ASIP: variants seen among roughly 807,000 people sequenced by gnomAD.
ASIP encodes the protein agouti-signaling protein.
Under a neutral mutation model 10.3 loss-of-function variants are expected in ASIP, and 11 were observed. That is an observed-to-expected ratio of 1.07 (90% CI 0.68 to 1.78). ASIP has a LOEUF of 1.78. Among genes scored for constraint, ASIP ranks in the 40% most tolerant of loss-of-function variants. The pLI is 0.00. For synonymous variants in ASIP, 70 were observed against 70.8 expected (o/e 0.99, Z 0.06); for missense variants, 180 against 169.2 (o/e 1.06, Z -0.35).
At chr20:34,252,819 TTG>T (rs1368234777) in intron 1 of ASIP, among the ~76,000 whole-genome samples, 1 of 152,196 alleles carries the variant, frequency 6.6e-6, no homozygotes, top group Admixed American at 6.5e-5. Flanking sequence ...CCTGCGGACA[TTG>T]TGTCCAGTGC....
intron 1 of ASIP, among the ~76,000 whole-genome samples, chr20:34,224,651 G>A (rs530806389): frequency 1.3e-5 from 2 of 150,910 alleles, no homozygotes; most frequent in African/African-American, 4.8e-5. Context: ...GACAGCCAAA[G>A]AGGACTCCTA....
At chr20:34,245,102 A>T (rs1359456423) in intron 1 of ASIP, among the ~76,000 whole-genome samples, 2 of 152,052 alleles carry the variant, frequency 1.3e-5, no homozygotes, top group East Asian at 3.9e-4. Flanking sequence ...TTGGGAGGCC[A>T]AGGTGGGCAA....
intron 1 of ASIP, chr20:34,215,695 G>A: frequency 4.9e-6 from 7 of 1,439,886 alleles, no homozygotes; most frequent in South Asian, 1.1e-5. Context: ...CTGAATATTT[G>A]TATTTAACTT....
intron 1 of ASIP, chr20:34,246,003 G>T: frequency 8.7e-7 from 1 of 1,143,314 alleles, no homozygotes; most frequent in Non-Finnish European, 1.3e-6. Flanking sequence ...TCTACTTCTG[G>T]CCATTTTTCT....
intron 1 of ASIP, 139 bp downstream of exon 1, chr20:34,241,628 T>C (rs1277531282): frequency 1.3e-6 from 1 of 743,200 alleles, no homozygotes; most frequent in East Asian, 1.3e-4. Context: ...TGGGTCAGAG[T>C]AGTTAAGAGG....
chr20:34,235,289 A>C (rs1292225477), intron 1 of ASIP, among the ~76,000 whole-genome samples: 1 of 152,194 alleles, frequency 6.6e-6, no homozygotes, highest in East Asian at 1.9e-4. Flanking sequence ...AAAATACAAA[A>C]ATTAGCCAGG....
intron 1 of ASIP, among the ~76,000 whole-genome samples, chr20:34,227,869 C>T (rs1457649237): frequency 1.3e-5 from 2 of 152,142 alleles, no homozygotes; most frequent in Non-Finnish European, 2.9e-5. Flanking sequence ...GACTTCCAGA[C>T]TTGGAGAATA....
intron 1 of ASIP, among the ~76,000 whole-genome samples, chr20:34,233,340 G>A (rs1401696097): frequency 6.6e-6 from 1 of 151,738 alleles, no homozygotes; most frequent in Non-Finnish European, 1.5e-5. Flanking sequence ...GTAGAGATGG[G>A]GTTTCACTAT....
At chr20:34,266,829 C>A (rs2035795171) in intron 3 of ASIP, among the ~76,000 whole-genome samples, 1 of 152,210 alleles carries the variant, frequency 6.6e-6, no homozygotes, top group African/African-American at 2.4e-5. Context: ...CATTCACGTA[C>A]CACCTAAAAT....
chr20:34,216,185 G>A (rs1375964753), intron 1 of ASIP, among the ~76,000 whole-genome samples: 1 of 152,256 alleles, frequency 6.6e-6, no homozygotes, highest in Non-Finnish European at 1.5e-5. Flanking sequence ...TTGAGTGGCA[G>A]GCAAGCAAGC....
intron 1 of ASIP, among the ~76,000 whole-genome samples, chr20:34,224,166 C>G (rs1159814415): frequency 1.3e-5 from 2 of 148,716 alleles, no homozygotes; most frequent in Non-Finnish European, 3.0e-5. Context: ...ACTGTTGTCC[C>G]ATGACCCTGC....
intron 1 of ASIP, among the ~76,000 whole-genome samples, chr20:34,244,703 G>A (rs2035340804): frequency 6.6e-6 from 1 of 152,268 alleles, no homozygotes; most frequent in East Asian, 1.9e-4. Flanking sequence ...TAATGTCAAA[G>A]AAGTGGCTTA....
chr20:34,218,840 T>C (rs2035026883), intron 1 of ASIP, among the ~76,000 whole-genome samples: 1 of 152,054 alleles, frequency 6.6e-6, no homozygotes, highest in Admixed American at 6.5e-5. Context: ...TTTTTTTGTA[T>C]TTTTAGTAGA....
At chr20:34,216,241 G>T (rs950787836) in intron 1 of ASIP, among the ~76,000 whole-genome samples, 5 of 152,182 alleles carry the variant, frequency 3.3e-5, no homozygotes, top group African/African-American at 1.2e-4. Context: ...AAGAGCGCGA[G>T]GGCCAGCTAA....
chr20:34,223,485 C>T (rs1295120490), intron 1 of ASIP, among the ~76,000 whole-genome samples: 3 of 151,836 alleles, frequency 2.0e-5, no homozygotes, highest in Non-Finnish European at 4.4e-5. Flanking sequence ...CCACCCCGTC[C>T]GGGAGGGAGG....
intron 1 of ASIP, among the ~76,000 whole-genome samples, chr20:34,198,369 C>T (rs570189401): frequency 3.0e-4 from 46 of 152,206 alleles, no homozygotes; most frequent in African/African-American, 1.0e-3. Flanking sequence ...GGATTACAGG[C>T]GTGAGCCACC....
chr20:34,200,969 T>TTCCTTCC (rs2034889360), intron 1 of ASIP, among the ~76,000 whole-genome samples: 10 of 72,956 alleles, frequency 1.4e-4, no homozygotes, highest in South Asian at 4.7e-4. Context: ...TCTTTCTTTC[T>TTCCTTCC]TTCCTTCCTT....
At chr20:34,246,940 T>A (rs1334976835) in intron 1 of ASIP, among the ~76,000 whole-genome samples, 1 of 152,152 alleles carries the variant, frequency 6.6e-6, no homozygotes, top group African/African-American at 2.4e-5. Flanking sequence ...TAACATTTTA[T>A]GTTTTTAGTT....
chr20:34,223,316 C>T (rs1414693943), intron 1 of ASIP, among the ~76,000 whole-genome samples: 9 of 151,186 alleles, frequency 6.0e-5, no homozygotes, highest in South Asian at 2.1e-4. Flanking sequence ...TCTGCCCGGC[C>T]GAGACCCCGT....
Sources: allele counts gnomAD v4.1 joint callset (sites outside exome capture counted in the v4.1 genomes callset), GRCh38; gene constraint gnomAD v4.1.1; transcripts MANE v1.5; gene names NCBI Gene and HGNC (gene_info 2026-07-23, HGNC 2026-07-21).